The following SETBP1 variants were observed in gnomAD, a reference collection of about 807,000 sequenced individuals.
SETBP1 encodes the protein SET-binding protein.
Under a neutral mutation model 101.0 loss-of-function variants are expected in SETBP1, and 9 were observed. The observed-to-expected ratio is 0.09, with a 90% CI of 0.05 to 0.16. SETBP1 has a LOEUF of 0.16. Among genes scored for constraint, SETBP1 ranks in the 10% least tolerant of loss-of-function variants. The probability of loss-of-function intolerance (pLI) is 1.00; values close to 1 mark genes in which losing one functional copy is unlikely to be tolerated. For missense variants in SETBP1, 1,858 were observed against 2,033.8 expected (o/e 0.91, Z 1.66); for synonymous variants, 818 against 788.5 (o/e 1.04, Z -0.63).
At chr18:44,933,418 C>T (rs542541968) in intron 3 of SETBP1, among the ~76,000 whole-genome samples, 9 of 152,332 alleles carry the variant, frequency 5.9e-5, no homozygotes, top group South Asian at 2.1e-4. Flanking sequence ...CTTGTGGAGG[C>T]GGTCTGTCCA....
At chr18:44,761,131 A>T (rs944183031) in intron 2 of SETBP1, among the ~76,000 whole-genome samples, 14 of 152,338 alleles carry the variant, frequency 9.2e-5, no homozygotes, top group South Asian at 2.1e-4. Context: ...ATTTATTTTT[A>T]AAAAATTTAT....
Position 44,950,116 on chromosome 18 carries a change from C to T in SETBP1, c.776C>T (p.Ser259Phe). Residue 259 changes from serine (S) to phenylalanine (F), a missense_variant, in exon 4 of 6, where the codon TCC (serine) becomes TTC (phenylalanine). Physicochemically the swap from Ser to Phe is radical, Grantham distance 155. Coordinates refer to ENST00000649279, the MANE Select transcript of SETBP1 (RefSeq NM_015559.3). ...SKIPALEPVA[S>F]FAKAQGKKGS... ...ATCCCCGCTCTTGAGCCCGTGGCTTCCTTTGCAAAGGCCCAGGGTAAGAAA... is the reference window on the plus strand; with the variant it reads ...ATCCCCGCTCTTGAGCCCGTGGCTTTCTTTGCAAAGGCCCAGGGTAAGAAA... The T allele has an allele frequency of 1.2e-6, 2 of 1,614,054 alleles. No individual in the cohort carries two copies. The highest frequency in any genetic ancestry group is 1.7e-6 in the Non-Finnish European group (2 of 1,180,048).
At chr18:44,894,975 C>T (rs1375705817) in intron 3 of SETBP1, among the ~76,000 whole-genome samples, 1 of 144,814 alleles carries the variant, frequency 6.9e-6, no homozygotes, top group Non-Finnish European at 1.5e-5. Context: ...AAAAAAGTAG[C>T]CAGTCACATG....
intron 5 of SETBP1, among the ~76,000 whole-genome samples, chr18:45,040,754 A>C (rs2073492522): frequency 6.6e-6 from 1 of 152,198 alleles, no homozygotes; most frequent in Non-Finnish European, 1.5e-5. Flanking sequence ...ATACTTTCAT[A>C]CTTGCCTCCC....
chr18:44,810,339 T>G (rs1306622708), intron 2 of SETBP1, among the ~76,000 whole-genome samples: 2 of 152,208 alleles, frequency 1.3e-5, no homozygotes, highest in African/African-American at 4.8e-5. Flanking sequence ...ATGTATAAGG[T>G]GCCTCCTAAG....
intron 2 of SETBP1, among the ~76,000 whole-genome samples, chr18:44,730,966 G>T (rs78100981): frequency 6.6e-6 from 1 of 152,222 alleles, no homozygotes; most frequent in Middle Eastern, 3.2e-3. Context: ...TGGAGTGGCT[G>T]TGATAGTGTG....
intron 2 of SETBP1, among the ~76,000 whole-genome samples, chr18:44,841,066 A>T (rs1159369545): frequency 2.0e-5 from 3 of 152,244 alleles, no homozygotes; most frequent in African/African-American, 7.2e-5. Flanking sequence ...GCTTAAAACG[A>T]TAAGCATTTA....
intron 2 of SETBP1, among the ~76,000 whole-genome samples, chr18:44,705,934 C>A (rs2069207378): frequency 6.6e-6 from 1 of 152,142 alleles, no homozygotes; most frequent in African/African-American, 2.4e-5. Context: ...CTCTTCTAAC[C>A]AGGATAGAAG....
intron 4 of SETBP1, among the ~76,000 whole-genome samples, chr18:44,980,977 G>A (rs2072101752): frequency 1.3e-5 from 2 of 152,184 alleles, no homozygotes; most frequent in Admixed American, 6.5e-5. Flanking sequence ...CATTAAATCA[G>A]TGGTTCCCAA....
chr18:44,942,710 G>A (rs2071114322), intron 3 of SETBP1, among the ~76,000 whole-genome samples: 1 of 152,100 alleles, frequency 6.6e-6, no homozygotes, highest in South Asian at 2.1e-4. Flanking sequence ...TATCTCCATG[G>A]AAAGGTTACG....
intron 2 of SETBP1, among the ~76,000 whole-genome samples, chr18:44,710,678 C>T (rs1457604929): frequency 1.3e-5 from 2 of 152,096 alleles, no homozygotes; most frequent in Admixed American, 6.5e-5. Flanking sequence ...GCTCGAACTC[C>T]TGACCTCGTG....
intron 3 of SETBP1, among the ~76,000 whole-genome samples, chr18:44,904,759 C>T (rs1304080518): frequency 2.0e-5 from 3 of 152,132 alleles, no homozygotes; most frequent in Non-Finnish European, 4.4e-5. Flanking sequence ...GACCCAGGCT[C>T]CTTCTACCTC....
chr18:44,719,883 GCA>G (rs1296281697), intron 2 of SETBP1, among the ~76,000 whole-genome samples: 1 of 152,204 alleles, frequency 6.6e-6, no homozygotes, highest in Non-Finnish European at 1.5e-5. Flanking sequence ...AGAGGTCAAA[GCA>G]CACAGCCTGC....
intron 5 of SETBP1, among the ~76,000 whole-genome samples, chr18:45,045,932 A>G (rs1227761071): frequency 6.6e-6 from 1 of 152,066 alleles, no homozygotes; most frequent in East Asian, 1.9e-4. Flanking sequence ...TGCCCTTTGA[A>G]TGGCTAATTC....
intron 4 of SETBP1, among the ~76,000 whole-genome samples, chr18:44,963,312 T>C (rs2071650367): frequency 6.6e-6 from 1 of 152,140 alleles, no homozygotes; most frequent in South Asian, 2.1e-4. Context: ...AAAAATAGGA[T>C]ATTTTACATA....
intron 4 of SETBP1, among the ~76,000 whole-genome samples, chr18:44,961,347 G>A (rs2071606859): frequency 6.6e-6 from 1 of 152,240 alleles, no homozygotes; most frequent in African/African-American, 2.4e-5. Context: ...GAAGACAACA[G>A]AAATGTTAAA....
intron 3 of SETBP1, among the ~76,000 whole-genome samples, chr18:44,929,921 C>G (rs1280900095): frequency 2.0e-5 from 3 of 152,162 alleles, no homozygotes; most frequent in African/African-American, 7.2e-5. Flanking sequence ...ATCAAATACA[C>G]TTTATTTCTT....
chr18:44,713,362 C>T (rs1212626019), intron 2 of SETBP1, among the ~76,000 whole-genome samples: 3 of 152,134 alleles, frequency 2.0e-5, no homozygotes, highest in Admixed American at 6.5e-5. Context: ...CCACCTTTCG[C>T]GGCAGCCCTT....
chr18:44,891,107 C>T (rs2069758918), intron 3 of SETBP1, among the ~76,000 whole-genome samples: 2 of 152,144 alleles, frequency 1.3e-5, no homozygotes, highest in African/African-American at 4.8e-5. Flanking sequence ...TGGATAGCAG[C>T]AGATAAAGAG....
Sources: gnomAD v4.1 joint callset for allele counts (sites outside exome capture counted in the v4.1 genomes callset) on GRCh38, gnomAD v4.1.1 for gene constraint, MANE v1.5 for transcripts, NCBI Gene and HGNC (gene_info 2026-07-23, HGNC 2026-07-21) for gene names.